FGD3: variants seen among roughly 807,000 people sequenced by gnomAD.
FGD3 encodes FYVE, RhoGEF and PH domain containing 3, also known as FYVE, RhoGEF and PH domain-containing protein 3.
A neutral mutation model predicts 71.8 loss-of-function variants in FGD3; 45 were observed. The ratio of observed to expected loss-of-function variants is 0.63; its 90% CI spans 0.49 to 0.80. The LOEUF (loss-of-function observed/expected upper bound fraction) is 0.80, where lower values mean the gene tolerates loss of function less well. Among genes scored for constraint, FGD3 ranks in the 30% least tolerant of loss-of-function variants. The pLI, the probability that FGD3 is intolerant of heterozygous loss-of-function variation, is 0.00. For missense variants in FGD3, 844 were observed against 951.5 expected (o/e 0.89, Z 1.49); for synonymous variants, 378 against 392.8 (o/e 0.96, Z 0.44).
chr9:92,953,901 T>C (rs1234758790), intron 1 of FGD3, among the ~76,000 whole-genome samples: 1 of 152,176 alleles, frequency 6.6e-6, no homozygotes, highest in Non-Finnish European at 1.5e-5. Context: ...TAAGTAGAAA[T>C]TAAATTTTCC....
chr9:92,989,537 C>T (rs1451179412), intron 3 of FGD3, among the ~76,000 whole-genome samples: 1 of 152,200 alleles, frequency 6.6e-6, no homozygotes, highest in Non-Finnish European at 1.5e-5. Context: ...AAGAAATAAA[C>T]ATGGAATCAT....
chr9:92,949,967 C>G (rs1245049368), intron 1 of FGD3, among the ~76,000 whole-genome samples: 3 of 152,186 alleles, frequency 2.0e-5, no homozygotes, highest in Admixed American at 6.5e-5. Flanking sequence ...TTTCTCTTCT[C>G]TGTTTTCTCC....
rs1859472835 is a variant in FGD3, at chr9:92,969,913, G to C, written c.-217-5325G>C. 6.6e-6 allele frequency among the ~76,000 whole-genome samples: 1 copy of C among 152,230 alleles called. No homozygotes were observed. Among genetic ancestry groups the C allele is most frequent in the Admixed American group, 6.5e-5 (1 of 15,280 alleles). The stretch of plus-strand genomic sequence containing the variant: ...GGGCATTCTAAATTTCTTCAGGTTT[G>C]TGGATTTCCTCGTGCTACAAGGTGG... On this transcript the variant is annotated intron_variant, in intron 1 of 17. Coordinates refer to ENST00000375482, the MANE Select transcript of FGD3 (RefSeq NM_001083536.2). The surrounding 1 kb of genome is among the most constrained non-coding windows in gnomAD (Gnocchi z 4.5).
chr9:93,001,973 T>C (rs2118692512), intron 3 of FGD3, among the ~76,000 whole-genome samples: 1 of 152,340 alleles, frequency 6.6e-6, no homozygotes, highest in Non-Finnish European at 1.5e-5. Context: ...TCTCTTCTAC[T>C]GCTTCCACTA....
intron 3 of FGD3, among the ~76,000 whole-genome samples, chr9:92,981,260 CGGGAGG>C (rs1293766520): frequency 6.7e-6 from 1 of 149,274 alleles, no homozygotes; most frequent in East Asian, 2.0e-4. Flanking sequence ...CCCAGCTACT[CGGGAGG>C]CTGAGGCAAG....
At chr9:92,994,209 A>T (rs1386621063) in intron 3 of FGD3, among the ~76,000 whole-genome samples, 1 of 152,098 alleles carries the variant, frequency 6.6e-6, no homozygotes, top group African/African-American at 2.4e-5. Context: ...CATTTCTCTG[A>T]TGGCCAGTGA....
intron 16 of FGD3, chr9:93,033,156 G>T (rs992943089): frequency 1.2e-5 from 6 of 483,810 alleles, no homozygotes; most frequent in Non-Finnish European, 1.9e-5. Context: ...TGGTTGGAGG[G>T]CATGGATTGA....
At position 92,976,484 on chromosome 9, in the gene FGD3, C is replaced by T. The variant is rs199713346; in HGVS notation, c.228C>T (p.Ser76=). The T allele has an allele frequency of 4.3e-4, 687 of 1,611,890 alleles. No homozygotes were observed. Among genetic ancestry groups the T allele is most frequent in the Non-Finnish European group, 5.6e-4 (666 of 1,179,554 alleles). ...GCTTAAAGATCCCCAACCGGGACAGCGGGATCGACAGTCCCTCCTCCAGTG... is the reference window on the plus strand; with the variant it reads ...GCTTAAAGATCCCCAACCGGGACAGTGGGATCGACAGTCCCTCCTCCAGTG... ...SGSLKIPNRD[S]GIDSPSSSVA... is the part of the protein sequence containing the mutation. Residue 76 remains serine, a synonymous_variant, in exon 3 of 18, where the codon AGC becomes AGT. Transcript: ENST00000375482.
chr9:92,999,086 G>T (rs1860756984), intron 3 of FGD3, among the ~76,000 whole-genome samples: 1 of 152,204 alleles, frequency 6.6e-6, no homozygotes, highest in Non-Finnish European at 1.5e-5. Flanking sequence ...GTCTACAGAG[G>T]CAGGCAGGCT....
At chr9:93,004,778 C>T (rs4744164) in intron 5 of FGD3, among the ~76,000 whole-genome samples, 83,014 of 151,950 alleles carry the variant, frequency 0.55, 23,331 homozygotes, top group African/African-American at 0.66. Context: ...GAGCCTGGCC[C>T]TTCTGTGTCC....
At chr9:92,955,212 G>A (rs1352156422) in intron 1 of FGD3, among the ~76,000 whole-genome samples, 1 of 152,194 alleles carries the variant, frequency 6.6e-6, no homozygotes, top group African/African-American at 2.4e-5. Context: ...TTTACTGTGA[G>A]TCACTTGTAG....
chr9:92,972,405 T>C (rs1236144730), intron 1 of FGD3, among the ~76,000 whole-genome samples: 4 of 150,166 alleles, frequency 2.7e-5, no homozygotes, highest in Admixed American at 6.7e-5. Flanking sequence ...TGAACCTAGA[T>C]TGTGGCCACT....
intron 13 of FGD3, among the ~76,000 whole-genome samples, chr9:93,021,874 GAC>G (rs1402182574): frequency 2.6e-5 from 4 of 152,224 alleles, no homozygotes; most frequent in Non-Finnish European, 5.9e-5. Context: ...GGGAATGTGA[GAC>G]ACTGAGCCTG....
chr9:92,996,942 AT>A (rs2118672456), intron 3 of FGD3, among the ~76,000 whole-genome samples: 1 of 152,304 alleles, frequency 6.6e-6, no homozygotes, highest in Non-Finnish European at 1.5e-5. Flanking sequence ...GCTGAGAAGA[AT>A]TTATATTCTG....
chr9:93,028,220 A>ACACG (rs1554740299), intron 14 of FGD3, among the ~76,000 whole-genome samples: 2 of 139,116 alleles, frequency 1.4e-5, no homozygotes, highest in South Asian at 2.2e-4. Context: ...ACACACACGC[A>ACACG]CACACACACA....
chr9:93,021,084 C>A (rs946418757), intron 13 of FGD3, among the ~76,000 whole-genome samples: 1 of 152,248 alleles, frequency 6.6e-6, no homozygotes, highest in African/African-American at 2.4e-5. Context: ...GGTGGTGGAA[C>A]TGGCATCACA....
intron 9 of FGD3, among the ~76,000 whole-genome samples, chr9:93,014,263 A>AT (rs149556001): frequency 0.094 from 14,358 of 152,106 alleles, 1,293 homozygotes; most frequent in African/African-American, 0.24. Flanking sequence ...CTCGTAGCCC[A>AT]TACCTCTTTC....
At position 93,020,407 on chromosome 9, in the gene FGD3, C is replaced by T. The variant is rs747383379; in HGVS notation, c.1477C>T (p.Leu493Phe). 12 of 1,613,306 alleles carry T rather than the reference C, an allele frequency of 7.4e-6. No individual in the cohort carries two copies. Among genetic ancestry groups the T allele is most frequent in the African/African-American group, 1.3e-5 (1 of 74,852 alleles). The change falls in exon 13 of 18, where the codon CTC (leucine) becomes TTC (phenylalanine). Residue 493 changes from leucine to phenylalanine, a missense_variant. By Grantham distance (22) the Leu-to-Phe change is conservative (BLOSUM62 0). Transcript: ENST00000375482. ...GAFSQDEDPS[L>F]SPDMPITSTS... ...CTTCAGCCAGGATGAGGACCCCAGC[C>T]TCTCTCCAGACATGCCTGTGAGTCA...
At chr9:93,028,733 G>A (rs926402747) in intron 14 of FGD3, among the ~76,000 whole-genome samples, 2 of 152,196 alleles carry the variant, frequency 1.3e-5, no homozygotes, top group Non-Finnish European at 2.9e-5. Flanking sequence ...CATTTTACAG[G>A]TGAGGAAACT....
Sources: allele counts gnomAD v4.1 joint callset (sites outside exome capture counted in the v4.1 genomes callset), GRCh38; gene constraint gnomAD v4.1.1; non-coding constraint Gnocchi (gnomAD v3.1); transcripts MANE v1.5; gene names NCBI Gene and HGNC (gene_info 2026-07-23, HGNC 2026-07-21).